EML6: variants seen among roughly 807,000 people sequenced by gnomAD.
EML6 encodes the protein echinoderm microtubule-associated protein-like 6.
EML6 carries 154 observed loss-of-function variants against 240.1 expected under a neutral mutation model. The observed-to-expected ratio is 0.64, with a 90% CI of 0.56 to 0.73. The LOEUF (loss-of-function observed/expected upper bound fraction) is 0.73. EML6 is among the 30% of genes least tolerant of loss of function. The probability of loss-of-function intolerance (pLI) is 0.00; values close to 1 mark genes in which losing one functional copy is unlikely to be tolerated. For missense variants in EML6, 2,964 were observed against 2,474.6 expected (o/e 1.20, Z -4.20); for synonymous variants, 1,148 against 899.0 (o/e 1.28, Z -4.95).
intron 28 of EML6, among the ~76,000 whole-genome samples, chr2:54,936,017 G>A (rs1055304455): frequency 1.3e-5 from 2 of 152,180 alleles, no homozygotes; most frequent in African/African-American, 2.4e-5. Context: ...CCAACAGAGC[G>A]AGACCCTGTC....
At chr2:54,781,874 A>G (rs1668871738) in intron 2 of EML6, among the ~76,000 whole-genome samples, 1 of 152,098 alleles carries the variant, frequency 6.6e-6, no homozygotes, top group Non-Finnish European at 1.5e-5. Flanking sequence ...TAGCCATGTT[A>G]GCTGGGCTGG....
At chr2:54,812,768 T>C (rs1308442178) in intron 2 of EML6, among the ~76,000 whole-genome samples, 1 of 152,192 alleles carries the variant, frequency 6.6e-6, no homozygotes, top group Non-Finnish European at 1.5e-5. Context: ...GACCCATTCA[T>C]GCTTTGAAAT....
At chr2:54,747,992 G>A (rs1467819443) in intron 2 of EML6, among the ~76,000 whole-genome samples, 1 of 151,984 alleles carries the variant, frequency 6.6e-6, no homozygotes. Flanking sequence ...CAATTTATAG[G>A]TTTAGAAACT....
chr2:54,943,966 C>A (rs916354853), intron 28 of EML6, among the ~76,000 whole-genome samples: 1 of 152,250 alleles, frequency 6.6e-6, no homozygotes, highest in African/African-American at 2.4e-5. Flanking sequence ...GTTCTTCTCT[C>A]GCCTTTTTGA....
chr2:54,928,196 T>G, intron 26 of EML6, 117 bp from the exon 27 acceptor site: 3 of 805,498 alleles, frequency 3.7e-6, no homozygotes, highest in Non-Finnish European at 6.3e-6. Context: ...CTAGTTGAAA[T>G]GTAGGAAATT....
At chr2:54,836,750 T>C (rs984277276) in intron 7 of EML6, among the ~76,000 whole-genome samples, 3 of 152,204 alleles carry the variant, frequency 2.0e-5, no homozygotes, top group East Asian at 3.9e-4. Flanking sequence ...TTGCTGTCAC[T>C]TGCTTGGAAT....
intron 38 of EML6, among the ~76,000 whole-genome samples, chr2:54,965,822 T>A (rs1184852102): frequency 6.6e-6 from 1 of 152,212 alleles, no homozygotes; most frequent in Non-Finnish European, 1.5e-5. Context: ...GCTACATGAC[T>A]CCTAAACCAT....
chr2:54,888,446 G>A (rs1189331375), intron 17 of EML6, among the ~76,000 whole-genome samples: 1 of 152,178 alleles, frequency 6.6e-6, no homozygotes, highest in Non-Finnish European at 1.5e-5. Context: ...TGATTCTGCA[G>A]TTACAACAGT....
Position 54,844,257 on chromosome 2 carries a change from CT to C in EML6, c.1049+10del. On this transcript the variant is annotated intron_variant, in intron 8 of 41. Coordinates refer to ENST00000356458, the MANE Select transcript of EML6 (RefSeq NM_001039753.4). ...GATGACCGCTCTGTCAGGTGAGGCC[CT>C]ACCGCCGTCACCTCTCTGACTTCTT... The C allele has an allele frequency of 6.5e-7, 1 of 1,548,712 alleles. No individual in the cohort carries two copies. Among genetic ancestry groups the C allele is most frequent in the Non-Finnish European group, 8.7e-7 (1 of 1,144,374 alleles).
intron 2 of EML6, among the ~76,000 whole-genome samples, chr2:54,751,857 A>G (rs1214025228): frequency 6.6e-6 from 1 of 152,240 alleles, no homozygotes; most frequent in Non-Finnish European, 1.5e-5. Flanking sequence ...GGTATCAAAA[A>G]GAGGATGAAA....
At chr2:54,842,878 T>G (rs2103670114) in intron 7 of EML6, among the ~76,000 whole-genome samples, 1 of 152,332 alleles carries the variant, frequency 6.6e-6, no homozygotes, top group Middle Eastern at 3.4e-3. Flanking sequence ...TTCCATAAAT[T>G]AAGTCGGTGA....
chr2:54,780,896 C>G (rs1308237902), intron 2 of EML6, among the ~76,000 whole-genome samples: 2 of 152,110 alleles, frequency 1.3e-5, no homozygotes, highest in Admixed American at 1.3e-4. Flanking sequence ...TGACATGCTA[C>G]TTATTATGAA....
chr2:54,843,101 G>A (rs867470959), intron 7 of EML6, among the ~76,000 whole-genome samples: 40 of 152,168 alleles, frequency 2.6e-4, no homozygotes, highest in African/African-American at 9.4e-4. Context: ...CCTAAAGGTT[G>A]AACTGATTCT....
chr2:54,840,925 C>A (rs1453227413), intron 7 of EML6, among the ~76,000 whole-genome samples: 1 of 152,160 alleles, frequency 6.6e-6, no homozygotes, highest in South Asian at 2.1e-4. Context: ...AGCATTAAAC[C>A]CTTTGTGTAA....
Position 54,806,861 on chromosome 2 carries a change from T to C in EML6, c.198-6371T>C, listed in dbSNP as rs547391725. Among the ~76,000 whole-genome samples, 7 of 152,034 alleles carry C rather than the reference T, an allele frequency of 4.6e-5. No individual in the cohort carries two copies. In the South Asian group the frequency reaches 1.0e-3, roughly 23 times the overall value. On this transcript the variant is annotated intron_variant, in intron 2 of 41. Coordinates refer to ENST00000356458, the MANE Select transcript of EML6 (RefSeq NM_001039753.4). ...GATGAGAAACTGGGGCACAGAGAGG[T>C]TGAGTAATTTGCTGAAGGTGATATA...
In EML6 at chr2:54,957,189, G is replaced by A. The variant is rs189888329; in HGVS notation, c.4487-601G>A. Among the ~76,000 whole-genome samples the A allele has an allele frequency of 7.2e-5, 11 of 152,100 alleles. No individual in the cohort carries two copies. In the East Asian group the frequency reaches 1.2e-3, roughly 16 times the overall value. ...GTCTAAAGTTGTTCTACAAGTAAATGGTAGAGTTGGAATTTTATTAAGACA... is the reference window on the plus strand; with the variant it reads ...GTCTAAAGTTGTTCTACAAGTAAATAGTAGAGTTGGAATTTTATTAAGACA... On this transcript the variant is annotated intron_variant, in intron 32 of 41. Transcript: ENST00000356458.
At chr2:54,848,983 A>T (rs538638214) in intron 9 of EML6, among the ~76,000 whole-genome samples, 1 of 152,346 alleles carries the variant, frequency 6.6e-6, no homozygotes, top group South Asian at 2.1e-4. Flanking sequence ...AAGTATAAAA[A>T]AGATGATTTA....
intron 25 of EML6, among the ~76,000 whole-genome samples, chr2:54,913,087 T>C (rs1207166655): frequency 6.6e-6 from 1 of 151,522 alleles, no homozygotes; most frequent in African/African-American, 2.4e-5. Context: ...TTTTTTTTTT[T>C]TTTTACTTTT....
At chr2:54,912,669 C>G (rs1180185930) in intron 25 of EML6, among the ~76,000 whole-genome samples, 1 of 152,174 alleles carries the variant, frequency 6.6e-6, no homozygotes, top group Admixed American at 6.5e-5. Flanking sequence ...ATTTGGTATT[C>G]TGTTCCTGCG....
Sources: allele counts gnomAD v4.1 joint callset (sites outside exome capture counted in the v4.1 genomes callset), GRCh38; gene constraint gnomAD v4.1.1; transcripts MANE v1.5; gene names NCBI Gene and HGNC (gene_info 2026-07-23, HGNC 2026-07-21).